Variants in RALGAPA1 observed in about 807,000 individuals in gnomAD.
RALGAPA1 encodes the protein ral GTPase-activating protein subunit alpha-1.
RALGAPA1 carries 52 observed loss-of-function variants against 269.6 expected under a neutral mutation model. The observed-to-expected ratio is 0.19, with a 90% CI of 0.15 to 0.24. The LOEUF (loss-of-function observed/expected upper bound fraction) is 0.24. Ranked by LOEUF, RALGAPA1 falls within the 10% of genes least tolerant of loss-of-function variation. The pLI is 1.00. For missense variants in RALGAPA1, 1,917 were observed against 3,013.9 expected, an observed-to-expected ratio of 0.64 and a Z score of 8.52; for synonymous variants, 817 against 1,008.3, an observed-to-expected ratio of 0.81 and a Z score of 3.60.
chr14:35,804,493 C>T (rs1484550310), intron 1 of RALGAPA1, among the ~76,000 whole-genome samples: 2 of 151,058 alleles, frequency 1.3e-5, no homozygotes, highest in African/African-American at 2.4e-5. Flanking sequence ...TGCTTGAACC[C>T]GGGAGGCAGA....
rs929200193 is a variant in RALGAPA1, at chr14:35,663,732, C to T, written c.5328+910G>A. On this transcript the variant is annotated intron_variant, in intron 27 of 41. Transcript: ENST00000680220. ...AGCCTCCCGAGTAGCTGGGACTACA[C>T]GCGCCCGCCACCATGCCCGGCTAAT... Among the ~76,000 whole-genome samples the T allele has an allele frequency of 7.9e-5, 12 of 151,884 alleles. No homozygotes were observed. In the East Asian group the frequency reaches 1.4e-3, roughly 17 times the overall value.
chr14:35,600,625 T>C (rs759791000), intron 36 of RALGAPA1, among the ~76,000 whole-genome samples: 1 of 152,246 alleles, frequency 6.6e-6, no homozygotes, highest in Non-Finnish European at 1.5e-5. Flanking sequence ...CACTTGGTTG[T>C]TGGGTACAAC....
chr14:35,734,123 T>C (rs950467986), intron 12 of RALGAPA1, among the ~76,000 whole-genome samples: 3 of 152,086 alleles, frequency 2.0e-5, no homozygotes, highest in Non-Finnish European at 4.4e-5. Flanking sequence ...AAAATGACCA[T>C]ACTGCCAAAA....
Position 35,760,813 on chromosome 14 carries a change from A to T in RALGAPA1, c.547+16T>A. 5.6e-6 allele frequency: 9 copies of T among 1,599,826 alleles called. No individual in the cohort carries two copies. Among genetic ancestry groups the T allele is most frequent in the Non-Finnish European group, 7.7e-6 (9 of 1,169,814 alleles). ...GAGCTTAAACCTACTGACGGATAAC[A>T]TCCCATGAATCTTACTTTCTTGAAG... On this transcript the variant is annotated intron_variant, in intron 6 of 41. Transcript: ENST00000680220.
At chr14:35,701,740 C>T (rs767812223) in intron 16 of RALGAPA1, among the ~76,000 whole-genome samples, 5 of 152,082 alleles carry the variant, frequency 3.3e-5, no homozygotes, top group Non-Finnish European at 7.4e-5. Flanking sequence ...CTCCTGGACT[C>T]AAGCCAATTC....
At chr14:35,658,703 ATATT>A (rs893595787) in intron 28 of RALGAPA1, among the ~76,000 whole-genome samples, 18 of 151,576 alleles carry the variant, frequency 1.2e-4, no homozygotes, top group African/African-American at 4.1e-4. Flanking sequence ...TCTTGATCAA[ATATT>A]TATAAATATT....
intron 1 of RALGAPA1, among the ~76,000 whole-genome samples, chr14:35,803,710 C>A (rs957485882): frequency 6.6e-6 from 1 of 151,368 alleles, no homozygotes; most frequent in African/African-American, 2.4e-5. Flanking sequence ...TGGCTCACTG[C>A]AAACCTCCAC....
At position 35,807,118 on chromosome 14, in the gene RALGAPA1, G is replaced by T. The variant is rs529517176; in HGVS notation, c.106+1612C>A. Among the ~76,000 whole-genome samples the T allele has an allele frequency of 9.9e-5, 15 of 152,192 alleles. No individual in the cohort carries two copies. In the East Asian group the frequency reaches 1.5e-3, roughly 16 times the overall value. On this transcript the variant is annotated intron_variant, in intron 1 of 41. Coordinates refer to ENST00000680220, the MANE Select transcript of RALGAPA1 (RefSeq NM_001346249.2). ...AAATAAAGTATGGCCTTTAATTTAG[G>T]AAATCTCGATACTTTATTGGAACTC...
chr14:35,667,201 A>G (rs988628425), intron 26 of RALGAPA1, among the ~76,000 whole-genome samples: 4 of 152,164 alleles, frequency 2.6e-5, no homozygotes, highest in African/African-American at 9.7e-5. Flanking sequence ...ACAGTTCGAG[A>G]CCATCCTGGC....
intron 35 of RALGAPA1, among the ~76,000 whole-genome samples, chr14:35,607,695 T>C (rs940078756): frequency 3.3e-5 from 5 of 152,192 alleles, no homozygotes; most frequent in African/African-American, 9.7e-5. Flanking sequence ...AAGCAGGTTA[T>C]AAGGACAAAG....
At chr14:35,801,244 GACACACACACACACACAC>G (rs201700521) in intron 1 of RALGAPA1, among the ~76,000 whole-genome samples, 2 of 135,012 alleles carry the variant, frequency 1.5e-5, no homozygotes, top group African/African-American at 2.6e-5. Context: ...TATATACACA[GACACACACACACACACAC>G]ACACACACAC....
Position 35,549,204 on chromosome 14 carries a change from T to C in RALGAPA1, c.7527A>G (p.Thr2509=). Residue 2509 remains threonine (T), a synonymous_variant, in exon 40 of 42, where the codon ACA becomes ACG. Coordinates refer to ENST00000680220, the MANE Select transcript of RALGAPA1 (RefSeq NM_001346249.2). The part of the protein sequence containing the change: ...FYEERARYLQ[T]IVQHHLEPTT... ...TTGGTTCTAAGTGGTGCTGGACAATTGTTTGCAGGTATCGTGCTCTCTCCT... is the reference window on the plus strand; with the variant it reads ...TTGGTTCTAAGTGGTGCTGGACAATCGTTTGCAGGTATCGTGCTCTCTCCT... The C allele has an allele frequency of 6.2e-7, 1 of 1,613,182 alleles. No homozygotes were observed.
intron 35 of RALGAPA1, among the ~76,000 whole-genome samples, chr14:35,608,428 T>C (rs953094721): frequency 6.6e-6 from 1 of 152,130 alleles, no homozygotes; most frequent in Admixed American, 6.5e-5. Flanking sequence ...ACCAAGTTGT[T>C]AGAAAATAAA....
chr14:35,780,987 T>C (rs994543120), intron 1 of RALGAPA1, among the ~76,000 whole-genome samples: 6 of 151,736 alleles, frequency 4.0e-5, no homozygotes, highest in African/African-American at 9.7e-5. Flanking sequence ...AAGAGCAAAC[T>C]AATCCTAAAG....
At chr14:35,746,196 C>T (rs1356350824) in intron 10 of RALGAPA1, among the ~76,000 whole-genome samples, 6 of 152,022 alleles carry the variant, frequency 3.9e-5, no homozygotes, top group Non-Finnish European at 8.8e-5. Context: ...CTTAAATTTG[C>T]AATATAAAAA....
intron 10 of RALGAPA1, 162 bp downstream of exon 10, chr14:35,748,422 CA>C (rs1433945287): frequency 3.1e-6 from 2 of 642,808 alleles, no homozygotes; most frequent in Non-Finnish European, 4.4e-6. Context: ...CCATGTTGTC[CA>C]AAGTGGCCTC....
chr14:35,675,949 T>C (rs1432503447), intron 22 of RALGAPA1, among the ~76,000 whole-genome samples: 3 of 152,064 alleles, frequency 2.0e-5, no homozygotes, highest in African/African-American at 7.2e-5. Flanking sequence ...TCTCTTTACA[T>C]ATAAAGTATA....
intron 31 of RALGAPA1, among the ~76,000 whole-genome samples, chr14:35,647,344 C>T (rs913317165): frequency 6.6e-6 from 1 of 152,152 alleles, no homozygotes; most frequent in Non-Finnish European, 1.5e-5. Context: ...TCTAAAAACT[C>T]CTGGCCCATA....
intron 13 of RALGAPA1, 84 bp downstream of exon 13, chr14:35,728,278 T>G: frequency 7.9e-7 from 1 of 1,259,806 alleles, no homozygotes; most frequent in Non-Finnish European, 1.0e-6. Context: ...ACAAACCCTC[T>G]TCACAGACAC....
Sources: gnomAD v4.1 joint callset for allele counts (sites outside exome capture counted in the v4.1 genomes callset) on GRCh38, gnomAD v4.1.1 for gene constraint, MANE v1.5 for transcripts, NCBI Gene and HGNC (gene_info 2026-07-23, HGNC 2026-07-21) for gene names.